Variants in NRXN3 observed in about 807,000 individuals in gnomAD.
The protein encoded by NRXN3 is neurexin 3.
In NRXN3, 32 loss-of-function variants were observed where a neutral mutation model predicts 137.6. The observed-to-expected ratio is 0.23, with a 90% CI of 0.18 to 0.31. The LOEUF is 0.31. Among genes scored for constraint, NRXN3 ranks in the 10% least tolerant of loss-of-function variants. The probability of loss-of-function intolerance (pLI) is 1.00; values close to 1 mark genes in which losing one functional copy is unlikely to be tolerated. For missense variants in NRXN3, 1,574 were observed against 2,062.5 expected (o/e 0.76, Z 4.59); for synonymous variants, 798 against 784.5 (o/e 1.02, Z -0.29).
intron 19 of NRXN3, among the ~76,000 whole-genome samples, chr14:79,700,224 T>C (rs1245858271): frequency 2.0e-5 from 3 of 151,922 alleles, no homozygotes; most frequent in Non-Finnish European, 4.4e-5. Flanking sequence ...GGAAGGTCAG[T>C]CCCAGAAGCA....
intron 8 of NRXN3, among the ~76,000 whole-genome samples, chr14:78,787,892 A>G (rs2098793775): frequency 6.6e-6 from 1 of 152,102 alleles, no homozygotes; most frequent in South Asian, 2.1e-4. Flanking sequence ...AGGGAGTTTG[A>G]GAACAGAAGA....
At chr14:79,549,759 G>A (rs537047128) in intron 16 of NRXN3, among the ~76,000 whole-genome samples, 1 of 152,040 alleles carries the variant, frequency 6.6e-6, no homozygotes, top group Non-Finnish European at 1.5e-5. Context: ...AACAAAAGTG[G>A]TATGTCCATT....
intron 19 of NRXN3, among the ~76,000 whole-genome samples, chr14:79,793,060 T>G (rs2099150264): frequency 6.6e-6 from 1 of 152,168 alleles, no homozygotes. Flanking sequence ...TGGGAGCATG[T>G]GCATTAAAAG....
Position 78,270,388 on chromosome 14 carries a change from T to G in NRXN3, c.710-8257T>G, listed in dbSNP as rs115621464. Reference sequence around the variant, plus strand: ...GTGTATTCCTTTCCCTGGTGGGTCGTGCTGCAGTGTGAGAAGGACAGCTTC... The same window carrying G: ...GTGTATTCCTTTCCCTGGTGGGTCGGGCTGCAGTGTGAGAAGGACAGCTTC... On this transcript the variant is annotated intron_variant, in intron 2 of 20. Coordinates refer to ENST00000335750, the MANE Select transcript of NRXN3 (RefSeq NM_001330195.2). Among the ~76,000 whole-genome samples the G allele has an allele frequency of 4.9e-3, 746 of 152,270 alleles. 7 individuals carry two copies. Among genetic ancestry groups the G allele is most frequent in the African/African-American group, 0.017 (723 of 41,554 alleles).
intron 15 of NRXN3, among the ~76,000 whole-genome samples, chr14:79,282,098 T>C (rs2081365008): frequency 6.6e-6 from 1 of 151,896 alleles, no homozygotes. Context: ...GGGTCTGGTG[T>C]TGGCTCCCTT....
chr14:78,314,942 T>TTCCTTCCTTC (rs2078472613), intron 4 of NRXN3, among the ~76,000 whole-genome samples: 2 of 60,646 alleles, frequency 3.3e-5, no homozygotes, highest in African/African-American at 7.0e-5. Context: ...TTTCTTTCTT[T>TTCCTTCCTTC]CTTCCTTCCT....
chr14:78,668,918 C>CTCTATCTATCTATCTATCTA (rs60427407), intron 6 of NRXN3, among the ~76,000 whole-genome samples: 1 of 149,602 alleles, frequency 6.7e-6, no homozygotes, highest in African/African-American at 2.5e-5. Flanking sequence ...ACATATTAAA[C>CTCTATCTATCTATCTATCTA]TCTATCTATC....
intron 8 of NRXN3, chr14:78,744,425 G>A (rs1318147044): frequency 2.0e-5 from 3 of 152,100 alleles, no homozygotes; most frequent in South Asian, 4.1e-4. Context: ...CATGTCTCCC[G>A]GCCTGATATC....
At chr14:79,184,947 T>C (rs10220528) in intron 15 of NRXN3, among the ~76,000 whole-genome samples, 1 of 152,182 alleles carries the variant, frequency 6.6e-6, no homozygotes, top group East Asian at 1.9e-4. Context: ...TTTGATATCA[T>C]GTGGCATTTG....
At chr14:79,783,254 A>C (rs537636404) in intron 19 of NRXN3, among the ~76,000 whole-genome samples, 1 of 152,362 alleles carries the variant, frequency 6.6e-6, no homozygotes, top group East Asian at 1.9e-4. Flanking sequence ...GTTAGTGACG[A>C]GGCTGCAGGT....
intron 15 of NRXN3, among the ~76,000 whole-genome samples, chr14:79,116,983 G>A (rs1271330986): frequency 6.6e-6 from 1 of 152,182 alleles, no homozygotes; most frequent in Non-Finnish European, 1.5e-5. Flanking sequence ...GAGAAAGTGA[G>A]CAAACTGGTT....
At position 78,539,910 on chromosome 14, in the gene NRXN3, A is replaced by G. The variant is rs1015774930; in HGVS notation, c.758-105210A>G. 2.0e-5 allele frequency among the ~76,000 whole-genome samples: 3 copies of G among 152,196 alleles called. No homozygotes were observed. In the South Asian group the frequency reaches 6.2e-4, roughly 32 times the overall value. On this transcript the variant is annotated intron_variant, in intron 4 of 20. Coordinates refer to ENST00000335750, the MANE Select transcript of NRXN3 (RefSeq NM_001330195.2). Reference sequence around the variant, plus strand: ...AAGTTGTTCAGTTTCCATGTAGTTGAGTGGTTTTGAGTGAGTTTCTTAATC... The same window carrying G: ...AAGTTGTTCAGTTTCCATGTAGTTGGGTGGTTTTGAGTGAGTTTCTTAATC...
At chr14:79,168,940 T>C (rs2061531086) in intron 15 of NRXN3, among the ~76,000 whole-genome samples, 1 of 152,064 alleles carries the variant, frequency 6.6e-6, no homozygotes, top group African/African-American at 2.4e-5. Flanking sequence ...ATGGAGACTA[T>C]GGGCACTTCT....
At chr14:78,661,735 A>G (rs2097843390) in intron 6 of NRXN3, among the ~76,000 whole-genome samples, 1 of 152,274 alleles carries the variant, frequency 6.6e-6, no homozygotes, top group South Asian at 2.1e-4. Flanking sequence ...CAGTAGCTGT[A>G]TGATGCTGGA....
chr14:79,836,236 C>T (rs866791595), intron 20 of NRXN3, among the ~76,000 whole-genome samples: 3 of 152,158 alleles, frequency 2.0e-5, no homozygotes, highest in African/African-American at 7.2e-5. Flanking sequence ...AAAGATGACA[C>T]TAAGTGTGAG....
At chr14:79,356,117 T>C (rs754665008) in intron 15 of NRXN3, among the ~76,000 whole-genome samples, 60 of 152,232 alleles carry the variant, frequency 3.9e-4, no homozygotes, top group Non-Finnish European at 7.5e-4. Context: ...TAGAGAAGAA[T>C]GTCTTTTAAA....
At chr14:79,545,391 A>T (rs2097309586) in intron 16 of NRXN3, among the ~76,000 whole-genome samples, 1 of 152,088 alleles carries the variant, frequency 6.6e-6, no homozygotes, top group African/African-American at 2.4e-5. Context: ...TGTTGTTTTT[A>T]AAAATGAACA....
intron 18 of NRXN3, among the ~76,000 whole-genome samples, chr14:79,696,407 C>T (rs933707497): frequency 6.6e-6 from 1 of 151,782 alleles, no homozygotes; most frequent in African/African-American, 2.4e-5. Flanking sequence ...TGTTTGATCA[C>T]TAAGTAGAGA....
At chr14:78,211,434 C>G (rs1255556705) in intron 1 of NRXN3, among the ~76,000 whole-genome samples, 1 of 152,250 alleles carries the variant, frequency 6.6e-6, no homozygotes, top group Non-Finnish European at 1.5e-5. Flanking sequence ...GTTTCACCCC[C>G]TCCTCTGGTC....
Sources: gnomAD v4.1 joint callset for allele counts (sites outside exome capture counted in the v4.1 genomes callset) on GRCh38, gnomAD v4.1.1 for gene constraint, MANE v1.5 for transcripts, NCBI Gene and HGNC (gene_info 2026-07-23, HGNC 2026-07-21) for gene names.